PIP5K1B: variants seen among roughly 807,000 people sequenced by gnomAD.
PIP5K1B encodes phosphatidylinositol 4-phosphate 5-kinase type-1 beta.
A neutral mutation model predicts 67.0 loss-of-function variants in PIP5K1B; 42 were observed. The observed-to-expected ratio is 0.63, with a 90% CI of 0.49 to 0.81. The LOEUF is 0.81. PIP5K1B is among the 30% of genes least tolerant of loss of function. PIP5K1B has a pLI of 0.00. For synonymous variants in PIP5K1B, 214 were observed against 231.4 expected (o/e 0.92, Z 0.68); for missense variants, 459 against 646.3 (o/e 0.71, Z 3.14).
chr9:68,841,216 C>T (rs113788780), intron 4 of PIP5K1B, among the ~76,000 whole-genome samples: 8 of 152,198 alleles, frequency 5.3e-5, no homozygotes, highest in African/African-American at 1.9e-4. Context: ...AAATGCAACA[C>T]GTTGTGACTG....
rs1326948072 is a variant in PIP5K1B, at chr9:68,998,523, A to G, written c.1620+7266A>G. 2.0e-5 allele frequency among the ~76,000 whole-genome samples: 3 copies of G among 151,284 alleles called. No individual in the cohort carries two copies. The East Asian group carries it at 5.8e-4, about 29-fold the overall frequency. The stretch of plus-strand genomic sequence containing the variant: ...CCTATTGCTTCTCTTTGTGGTTTCT[A>G]TTTTTGTCTTCCTTGTCAGAGAAAG... On this transcript the variant is annotated intron_variant, in intron 15 of 15. Coordinates refer to ENST00000265382, the MANE Select transcript of PIP5K1B (RefSeq NM_003558.4).
chr9:68,993,475 AAAG>A (rs1172883297), intron 15 of PIP5K1B, among the ~76,000 whole-genome samples: 3 of 152,186 alleles, frequency 2.0e-5, no homozygotes, highest in Middle Eastern at 6.8e-3. Context: ...ACCGTTGTAA[AAAG>A]ATTTTTTCTC....
chr9:68,862,804 A>AAATT (rs1823160366), intron 4 of PIP5K1B, among the ~76,000 whole-genome samples: 1 of 125,256 alleles, frequency 8.0e-6, no homozygotes, highest in Non-Finnish European at 1.7e-5. Flanking sequence ...AAAAAAATAA[A>AAATT]AAATAAATAA....
chr9:68,923,440 A>G (rs11144351), intron 12 of PIP5K1B, 54 bp downstream of exon 12: 98,799 of 865,802 alleles, frequency 0.11, 6,575 homozygotes, highest in Non-Finnish European at 0.14. Context: ...TTCATTATGT[A>G]TCTTTGCAAG....
chr9:68,973,044 G>A (rs1829466209), intron 14 of PIP5K1B, among the ~76,000 whole-genome samples: 1 of 152,206 alleles, frequency 6.6e-6, no homozygotes. Context: ...TTATCACTGT[G>A]ATAGGGATAA....
intron 15 of PIP5K1B, among the ~76,000 whole-genome samples, chr9:68,995,812 A>G (rs1234339921): frequency 6.6e-6 from 1 of 152,000 alleles, no homozygotes; most frequent in Non-Finnish European, 1.5e-5. Context: ...TCTCAAAAAA[A>G]AAAAAAAAAG....
intron 4 of PIP5K1B, among the ~76,000 whole-genome samples, chr9:68,845,171 G>C (rs1343518212): frequency 6.6e-6 from 1 of 152,224 alleles, no homozygotes; most frequent in Non-Finnish European, 1.5e-5. Flanking sequence ...AGCTGTCTCA[G>C]AGTCTCACAG....
At chr9:68,876,944 G>A in intron 6 of PIP5K1B, 150 bp downstream of exon 6, 1 of 568,370 alleles carries the variant, frequency 1.8e-6, no homozygotes, top group South Asian at 2.4e-5. Flanking sequence ...TATAAATTTA[G>A]CTTCAAGAAA....
At chr9:68,795,987 C>T (rs74749394) in intron 2 of PIP5K1B, among the ~76,000 whole-genome samples, 2,657 of 152,232 alleles carry the variant, frequency 0.017, 26 homozygotes, top group Non-Finnish European at 0.027. Context: ...ATGAGAGAAG[C>T]GATGCAGGTT....
chr9:68,722,298 G>A (rs781494885), intron 1 of PIP5K1B, among the ~76,000 whole-genome samples: 2 of 152,054 alleles, frequency 1.3e-5, no homozygotes, highest in East Asian at 1.9e-4. Flanking sequence ...TTCACCTCCC[G>A]GGTTCAAGCG....
At chr9:68,711,372 T>C (rs1827384468) in intron 1 of PIP5K1B, among the ~76,000 whole-genome samples, 1 of 152,244 alleles carries the variant, frequency 6.6e-6, no homozygotes, top group African/African-American at 2.4e-5. Flanking sequence ...TAAAAAGCAA[T>C]GCAACGACCT....
At chr9:68,968,613 A>G (rs1311424279) in intron 14 of PIP5K1B, among the ~76,000 whole-genome samples, 2 of 151,856 alleles carry the variant, frequency 1.3e-5, no homozygotes, top group African/African-American at 4.8e-5. Flanking sequence ...CATTTCTAGC[A>G]CATGATATTT....
chr9:68,862,804 AAAAT>A (rs895935030), intron 4 of PIP5K1B, among the ~76,000 whole-genome samples: 1 of 125,254 alleles, frequency 8.0e-6, no homozygotes, highest in East Asian at 2.1e-4. Flanking sequence ...AAAAAAATAA[AAAAT>A]AAATAAATAA....
intron 3 of PIP5K1B, among the ~76,000 whole-genome samples, chr9:68,820,749 G>A (rs1833692523): frequency 6.6e-6 from 1 of 152,140 alleles, no homozygotes; most frequent in Non-Finnish European, 1.5e-5. Flanking sequence ...CCCTAATTAT[G>A]AAGTTATCCT....
intron 8 of PIP5K1B, among the ~76,000 whole-genome samples, chr9:68,905,285 C>T (rs537752273): frequency 1.3e-5 from 2 of 152,194 alleles, no homozygotes; most frequent in South Asian, 2.1e-4. Context: ...AGTGGCCACA[C>T]GGGGCCTGAT....
At chr9:68,797,755 A>C (rs1393590030) in intron 2 of PIP5K1B, among the ~76,000 whole-genome samples, 2 of 152,228 alleles carry the variant, frequency 1.3e-5, no homozygotes, top group Non-Finnish European at 2.9e-5. Context: ...ATTATCTGCT[A>C]AATTTTTTGT....
chr9:68,780,070 C>G (rs1831154010), intron 2 of PIP5K1B: 1 of 1,425,050 alleles, frequency 7.0e-7, no homozygotes, highest in Non-Finnish European at 9.2e-7. Context: ...CTGACAGATT[C>G]TCGGTGGCGG....
At chr9:68,975,466 A>G (rs1338946829) in intron 14 of PIP5K1B, among the ~76,000 whole-genome samples, 2 of 152,226 alleles carry the variant, frequency 1.3e-5, no homozygotes, top group African/African-American at 4.8e-5. Flanking sequence ...CTAAAAGTTA[A>G]GGTGTTTATT....
At chr9:68,948,882 G>GA (rs750817247) in intron 14 of PIP5K1B, among the ~76,000 whole-genome samples, 4 of 152,104 alleles carry the variant, frequency 2.6e-5, no homozygotes, top group Non-Finnish European at 4.4e-5. Context: ...AAATTGAAGT[G>GA]AATTTTTCAG....
Sources: gnomAD v4.1 joint callset for allele counts (sites outside exome capture counted in the v4.1 genomes callset) on GRCh38, gnomAD v4.1.1 for gene constraint, MANE v1.5 for transcripts, NCBI Gene and HGNC (gene_info 2026-07-23, HGNC 2026-07-21) for gene names.